EYS: variants seen among roughly 807,000 people sequenced by gnomAD.
EYS encodes EGF-like photoreceptor maintenance factor, also known as protein eyes shut homolog.
Under a neutral mutation model 282.1 loss-of-function variants are expected in EYS, and 250 were observed. That is an observed-to-expected ratio of 0.89 (90% CI 0.80 to 0.98). The LOEUF (loss-of-function observed/expected upper bound fraction) is 0.98, where lower values mean the gene tolerates loss of function less well. Among genes scored for constraint, EYS ranks in the 50% least tolerant of loss-of-function variants. EYS has a pLI of 0.00. For synonymous variants in EYS, 1,355 were observed against 1,282.9 expected (o/e 1.06, Z -1.20); for missense variants, 4,016 against 3,709.0 (o/e 1.08, Z -2.15).
intron 1 of EYS, among the ~76,000 whole-genome samples, chr6:65,681,692 G>A (rs1337888685): frequency 2.0e-5 from 3 of 151,882 alleles, no homozygotes; most frequent in Non-Finnish European, 4.4e-5. Context: ...TCATTCTCCT[G>A]TCCTCTGACC....
At chr6:65,685,636 G>A (rs6924750) in intron 1 of EYS, among the ~76,000 whole-genome samples, 123,902 of 151,930 alleles carry the variant, frequency 0.82, 50,616 homozygotes, top group East Asian at 0.85. Context: ...TAATCATTTG[G>A]CATATTTGCC....
At chr6:65,055,057 C>T (rs1240451163) in intron 13 of EYS, among the ~76,000 whole-genome samples, 1 of 152,062 alleles carries the variant, frequency 6.6e-6, no homozygotes, top group Non-Finnish European at 1.5e-5. Context: ...TAATAATTCA[C>T]AGAAGCCTCA....
chr6:64,194,738 T>G (rs996247786), intron 31 of EYS, among the ~76,000 whole-genome samples: 5 of 152,086 alleles, frequency 3.3e-5, no homozygotes, highest in Non-Finnish European at 7.4e-5. Flanking sequence ...TATATATATA[T>G]TCAAAATATA....
intron 2 of EYS, among the ~76,000 whole-genome samples, chr6:65,593,811 C>T (rs1230937125): frequency 1.3e-5 from 2 of 151,774 alleles, no homozygotes; most frequent in African/African-American, 2.4e-5. Flanking sequence ...GATTATTTTA[C>T]TTTATAATTA....
chr6:65,080,616 G>T (rs764903378), intron 12 of EYS, among the ~76,000 whole-genome samples: 15 of 151,934 alleles, frequency 9.9e-5, no homozygotes, highest in Non-Finnish European at 2.1e-4. Context: ...CTCTGCATCA[G>T]AGGCAATTTT....
chr6:64,971,985 A>G (rs1770311035), intron 14 of EYS, among the ~76,000 whole-genome samples: 1 of 152,114 alleles, frequency 6.6e-6, no homozygotes, highest in East Asian at 1.9e-4. Context: ...ATCATGAAAG[A>G]GATTGTGGAT....
chr6:64,772,427 G>A (rs996065568), intron 22 of EYS, among the ~76,000 whole-genome samples: 18 of 151,630 alleles, frequency 1.2e-4, no homozygotes, highest in African/African-American at 3.6e-4. Context: ...TTTTAATACA[G>A]GCATACAATG....
intron 26 of EYS, among the ~76,000 whole-genome samples, chr6:64,478,027 T>A (rs1229723630): frequency 6.6e-6 from 1 of 152,078 alleles, no homozygotes; most frequent in Non-Finnish European, 1.5e-5. Flanking sequence ...ACCATTATTA[T>A]GAACTTGCTG....
At chr6:65,139,503 G>GA (rs1318649436) in intron 12 of EYS, among the ~76,000 whole-genome samples, 3 of 151,974 alleles carry the variant, frequency 2.0e-5, no homozygotes, top group Non-Finnish European at 4.4e-5. Flanking sequence ...TTACCTGGGT[G>GA]AAAAAATAAT....
intron 5 of EYS, among the ~76,000 whole-genome samples, chr6:65,445,439 C>CTT (rs147834007): frequency 8.6e-5 from 13 of 151,312 alleles, no homozygotes; most frequent in Non-Finnish European, 1.8e-4. Context: ...AATTTTACCA[C>CTT]TTTTTTTTAA....
chr6:64,377,447 G>T (rs1772596564), intron 29 of EYS, among the ~76,000 whole-genome samples: 1 of 152,090 alleles, frequency 6.6e-6, no homozygotes, highest in South Asian at 2.1e-4. Context: ...AAAAGTGTGG[G>T]TTTGAATTTT....
In EYS at chr6:64,105,733, G is replaced by C. The variant is rs571212792; in HGVS notation, c.6425-23731C>G. 3.3e-5 allele frequency among the ~76,000 whole-genome samples: 5 copies of C among 152,144 alleles called. No homozygotes were observed. The East Asian group carries it at 7.7e-4, about 24-fold the overall frequency. ...ACTTCTTCCATTTAATAACATTTAA[G>C]TTTCCTCCATGTTCTTTCATGACAT... On this transcript the variant is annotated intron_variant, in intron 31 of 42. Transcript: ENST00000503581.
intron 1 of EYS, among the ~76,000 whole-genome samples, chr6:65,676,905 A>T (rs972296454): frequency 3.3e-5 from 5 of 151,758 alleles, no homozygotes; most frequent in Non-Finnish European, 2.9e-5. Context: ...CAACATAGGA[A>T]AATCTATCCA....
chr6:64,612,068 T>C (rs1767130143), intron 24 of EYS, among the ~76,000 whole-genome samples: 1 of 152,130 alleles, frequency 6.6e-6, no homozygotes. Context: ...AAAATGTTTG[T>C]CTGTCTTGCT....
At chr6:65,586,516 G>C (rs1435347155) in intron 2 of EYS, among the ~76,000 whole-genome samples, 1 of 151,966 alleles carries the variant, frequency 6.6e-6, no homozygotes, top group Non-Finnish European at 1.5e-5. Flanking sequence ...TTCTTGTCAA[G>C]TTCACCATTA....
chr6:65,705,846 T>G (rs948500209), intron 1 of EYS, among the ~76,000 whole-genome samples: 4 of 152,096 alleles, frequency 2.6e-5, no homozygotes, highest in Non-Finnish European at 5.9e-5. Flanking sequence ...CTGAGAATTA[T>G]TTTTAAAAAA....
intron 26 of EYS, among the ~76,000 whole-genome samples, chr6:64,460,082 AT>A (rs1775693969): frequency 6.6e-6 from 1 of 152,064 alleles, no homozygotes; most frequent in African/African-American, 2.4e-5. Flanking sequence ...CTACATTATT[AT>A]TTTTTCTTAC....
At chr6:65,597,868 A>G (rs183457051) in intron 2 of EYS, among the ~76,000 whole-genome samples, 93 of 152,186 alleles carry the variant, frequency 6.1e-4, no homozygotes, top group Admixed American at 4.1e-3. Flanking sequence ...TGGGAGGTCA[A>G]GGCGGGCAGA....
In EYS at chr6:64,311,336, C is replaced by G. The variant is rs1479019427; in HGVS notation, c.6079-4254G>C. On this transcript the variant is annotated intron_variant, in intron 29 of 42. Transcript: ENST00000503581. ...TAAAATATATATAATAGATTAAAGA[C>G]AAGAAATAATTATCTGCATTAGATT... Among the ~76,000 whole-genome samples the G allele has an allele frequency of 3.3e-5, 5 of 151,982 alleles. No homozygotes were observed. The East Asian group carries it at 7.7e-4, about 23-fold the overall frequency.
Sources: gnomAD v4.1 joint callset for allele counts (sites outside exome capture counted in the v4.1 genomes callset) on GRCh38, gnomAD v4.1.1 for gene constraint, MANE v1.5 for transcripts, NCBI Gene and HGNC (gene_info 2026-07-23, HGNC 2026-07-21) for gene names.